Variants in SH3GLB1 observed in about 807,000 individuals in gnomAD.
SH3GLB1 encodes endophilin-B1.
Under a neutral mutation model 42.0 loss-of-function variants are expected in SH3GLB1, and 17 were observed. The ratio of observed to expected loss-of-function variants is 0.40; its 90% CI spans 0.28 to 0.61. The LOEUF is 0.61. Among genes scored for constraint, SH3GLB1 ranks in the 20% least tolerant of loss-of-function variants. The pLI is 0.36. For missense variants in SH3GLB1, 355 were observed against 426.3 expected, an observed-to-expected ratio of 0.83 and a Z score of 1.47; for synonymous variants, 132 against 146.6, an observed-to-expected ratio of 0.90 and a Z score of 0.72.
chr1:86,722,032 T>A (rs1031422603), intron 3 of SH3GLB1, among the ~76,000 whole-genome samples: 1 of 149,752 alleles, frequency 6.7e-6, no homozygotes, highest in African/African-American at 2.5e-5. Flanking sequence ...TTTTTTTTTT[T>A]AATAGTGACA....
intron 3 of SH3GLB1, among the ~76,000 whole-genome samples, chr1:86,719,962 C>T (rs1179445893): frequency 7.0e-6 from 1 of 142,362 alleles, no homozygotes; most frequent in Non-Finnish European, 1.5e-5. Flanking sequence ...CACCACTGCA[C>T]TCCAGCCTGG....
At chr1:86,719,341 T>C (rs1654727227) in intron 2 of SH3GLB1, among the ~76,000 whole-genome samples, 166 bp from the exon 3 acceptor site, 1 of 152,086 alleles carries the variant, frequency 6.6e-6, no homozygotes, top group Non-Finnish European at 1.5e-5. Flanking sequence ...AATTTTTTAG[T>C]TATATAATAG....
At chr1:86,709,702 G>A (rs984006796) in intron 1 of SH3GLB1, among the ~76,000 whole-genome samples, 2 of 152,140 alleles carry the variant, frequency 1.3e-5, no homozygotes, top group Non-Finnish European at 2.9e-5. Flanking sequence ...AAATTACTTA[G>A]GGAGGGAGTT....
intron 2 of SH3GLB1, among the ~76,000 whole-genome samples, chr1:86,716,707 T>C (rs902872848): frequency 6.6e-6 from 1 of 152,234 alleles, no homozygotes; most frequent in Non-Finnish European, 1.5e-5. Flanking sequence ...TGAATGAAAC[T>C]CATGAGTTAG....
At chr1:86,710,231 A>G (rs1177140637) in intron 1 of SH3GLB1, among the ~76,000 whole-genome samples, 1 of 152,168 alleles carries the variant, frequency 6.6e-6, no homozygotes, top group Non-Finnish European at 1.5e-5. Flanking sequence ...GAAAATCTAT[A>G]AAACTCTTTT....
At chr1:86,706,453 T>A (rs900017179) in intron 1 of SH3GLB1, among the ~76,000 whole-genome samples, 1 of 152,200 alleles carries the variant, frequency 6.6e-6, no homozygotes, top group African/African-American at 2.4e-5. Flanking sequence ...ACCCTTTTCT[T>A]CCCTTCCTTC....
intron 2 of SH3GLB1, among the ~76,000 whole-genome samples, chr1:86,717,365 G>C (rs1412460415): frequency 6.6e-6 from 1 of 152,080 alleles, no homozygotes; most frequent in African/African-American, 2.4e-5. Context: ...TTTTGTGCCA[G>C]GAAGTCGTAA....
chr1:86,709,163 C>T (rs558696850), intron 1 of SH3GLB1, among the ~76,000 whole-genome samples: 1 of 152,242 alleles, frequency 6.6e-6, no homozygotes, highest in East Asian at 1.9e-4. Flanking sequence ...TGTTAGATCT[C>T]TTGGAACTCT....
chr1:86,708,809 A>G (rs911493775), intron 1 of SH3GLB1, among the ~76,000 whole-genome samples: 1 of 152,146 alleles, frequency 6.6e-6, no homozygotes, highest in Admixed American at 6.5e-5. Flanking sequence ...CTCCCTTACA[A>G]TCTGGTCCTT....
chr1:86,728,549 C>A, intron 5 of SH3GLB1: 1 of 981,562 alleles, frequency 1.0e-6, no homozygotes, highest in Non-Finnish European at 1.5e-6. Context: ...TGCTATTAGC[C>A]GCTTGTAAAA....
At chr1:86,716,836 A>G (rs1188397458) in intron 2 of SH3GLB1, among the ~76,000 whole-genome samples, 4 of 152,204 alleles carry the variant, frequency 2.6e-5, no homozygotes, top group South Asian at 2.1e-4. Flanking sequence ...CAAAGGTACA[A>G]TGTATGCTTT....
At chr1:86,720,330 G>A (rs1011487915) in intron 3 of SH3GLB1, among the ~76,000 whole-genome samples, 1 of 152,120 alleles carries the variant, frequency 6.6e-6, no homozygotes, top group Non-Finnish European at 1.5e-5. Context: ...CGTAGTTCTT[G>A]AACAAATCAG....
intron 7 of SH3GLB1, among the ~76,000 whole-genome samples, chr1:86,741,858 T>C (rs937369286): frequency 6.6e-6 from 1 of 152,166 alleles, no homozygotes; most frequent in Non-Finnish European, 1.5e-5. Context: ...TTAAGTAGTT[T>C]TTCATCAATA....
chr1:86,711,023 C>T (rs1040796258), intron 1 of SH3GLB1, among the ~76,000 whole-genome samples: 1 of 152,158 alleles, frequency 6.6e-6, no homozygotes. Context: ...TTTTCTAAAG[C>T]TCCCTCAAGT....
rs796597301 is a variant in SH3GLB1, at chr1:86,717,697, C to G, written c.215-1810C>G. Among the ~76,000 whole-genome samples the G allele has an allele frequency of 7.4e-4, 112 of 152,272 alleles. 1 individual carries two copies. The highest frequency in any genetic ancestry group is 2.6e-3 in the African/African-American group (108 of 41,564). ...TCAGCCTCCCAAAGCGCTGGGATTA[C>G]ACGTGTGAGCCACCATGCCCAGCCT... is the stretch of plus-strand genomic sequence containing the variant. On this transcript the variant is annotated intron_variant, in intron 2 of 8. Coordinates refer to ENST00000370558, the MANE Select transcript of SH3GLB1 (RefSeq NM_016009.5).
At chr1:86,724,267 A>G in intron 4 of SH3GLB1, 46 bp from the exon 5 acceptor site, 1 of 1,357,884 alleles carries the variant, frequency 7.4e-7, no homozygotes, top group Non-Finnish European at 1.0e-6. Context: ...CTCTTAACAG[A>G]ATTTTAGCAT....
chr1:86,727,042 T>G (rs1015974516), intron 5 of SH3GLB1, among the ~76,000 whole-genome samples: 1 of 152,008 alleles, frequency 6.6e-6, no homozygotes, highest in African/African-American at 2.4e-5. Flanking sequence ...AGTAATTTAC[T>G]TACTAGTTTC....
Position 86,719,567 on chromosome 1 carries a change from A to G in SH3GLB1, c.275A>G (p.Asn92Ser), listed in dbSNP as rs142378035. The change falls in exon 3 of 9, where the codon AAC (asparagine) becomes AGC (serine). Residue 92 changes from asparagine (N) to serine (S), a missense_variant. Asn to Ser is a conservative substitution (Grantham distance 46). Transcript: ENST00000370558. ...KLDRKAPSRI[N>S]NPELLGQYMI... ...GATAGAAAAGCTCCAAGTCGTATAA[A>G]CAACCCAGAACTTTTGGGACAATAT... The G allele has an allele frequency of 8.2e-4, 1,319 of 1,611,138 alleles. 4 individuals carry two copies. Among genetic ancestry groups the G allele is most frequent in the Middle Eastern group, 1.3e-3 (8 of 6,048 alleles).
Position 86,711,080 on chromosome 1 carries a change from C to T in SH3GLB1, c.73-4644C>T, listed in dbSNP as rs190700195. On this transcript the variant is annotated intron_variant, in intron 1 of 8. Transcript: ENST00000370558. ...TTGGGAACCAATGGAGAAAGATGCA[C>T]CTTACAGTTTACTAATACATTATTC... 9.9e-5 allele frequency among the ~76,000 whole-genome samples: 15 copies of T among 152,256 alleles called. No individual in the cohort carries two copies. In the East Asian group the frequency reaches 1.7e-3, roughly 18 times the overall value.
Sources: allele counts gnomAD v4.1 joint callset (sites outside exome capture counted in the v4.1 genomes callset), GRCh38; gene constraint gnomAD v4.1.1; transcripts MANE v1.5; gene names NCBI Gene and HGNC (gene_info 2026-07-23, HGNC 2026-07-21).